Variants in SNCAIP observed in about 807,000 individuals in gnomAD.
SNCAIP encodes the protein synphilin-1.
SNCAIP carries 43 observed loss-of-function variants against 86.7 expected under a neutral mutation model. That is an observed-to-expected ratio of 0.50 (90% CI 0.39 to 0.64). SNCAIP has a LOEUF of 0.64. Ranked by LOEUF, SNCAIP falls within the 30% of genes least tolerant of loss-of-function variation. The pLI is 0.00. For missense variants in SNCAIP, 981 were observed against 1,103.1 expected (o/e 0.89, Z 1.57); for synonymous variants, 417 against 427.2 (o/e 0.98, Z 0.29).
intron 10 of SNCAIP, among the ~76,000 whole-genome samples, chr5:122,458,428 T>A: frequency 6.6e-6 from 1 of 152,118 alleles, no homozygotes; most frequent in Non-Finnish European, 1.5e-5. Flanking sequence ...GTTCTATTAA[T>A]GTCATATTTG....
chr5:122,440,516 G>A (rs1165267740), intron 6 of SNCAIP, 113 bp from the exon 7 acceptor site: 28 of 984,454 alleles, frequency 2.8e-5, no homozygotes, highest in African/African-American at 4.8e-5. Context: ...CTCTTGCTAC[G>A]GTAAGCATGG....
At chr5:122,385,989 T>C (rs546001046) in intron 1 of SNCAIP, among the ~76,000 whole-genome samples, 2 of 152,158 alleles carry the variant, frequency 1.3e-5, no homozygotes, top group Non-Finnish European at 2.9e-5. Context: ...AATACATTTT[T>C]AAAAATTTTT....
intron 1 of SNCAIP, among the ~76,000 whole-genome samples, chr5:122,314,691 A>G (rs1751336203): frequency 6.6e-6 from 1 of 152,226 alleles, no homozygotes; most frequent in Non-Finnish European, 1.5e-5. Flanking sequence ...ATGATTTTTC[A>G]CTTTATAGAT....
intron 2 of SNCAIP, among the ~76,000 whole-genome samples, chr5:122,397,367 C>T (rs1452017995): frequency 6.6e-6 from 1 of 152,104 alleles, no homozygotes; most frequent in African/African-American, 2.4e-5. Flanking sequence ...CTAAGTGGAT[C>T]TTCATCTCTT....
chr5:122,428,928 T>A (rs548532879), intron 5 of SNCAIP, among the ~76,000 whole-genome samples: 2 of 152,090 alleles, frequency 1.3e-5, no homozygotes, highest in African/African-American at 2.4e-5. Flanking sequence ...GAACTCATCC[T>A]TTTTTATGGA....
chr5:122,344,526 A>G (rs1758216843), intron 1 of SNCAIP, among the ~76,000 whole-genome samples: 1 of 152,190 alleles, frequency 6.6e-6, no homozygotes, highest in African/African-American at 2.4e-5. Context: ...TTTGAGCTAC[A>G]AGGAAATGAG....
intron 1 of SNCAIP, among the ~76,000 whole-genome samples, chr5:122,316,667 A>G (rs1007550395): frequency 6.6e-6 from 1 of 152,238 alleles, no homozygotes; most frequent in Non-Finnish European, 1.5e-5. Context: ...GGTCTGGCAC[A>G]ATGCCTCATC....
intron 1 of SNCAIP, among the ~76,000 whole-genome samples, chr5:122,356,479 C>A (rs1175181829): frequency 6.6e-6 from 1 of 152,040 alleles, no homozygotes; most frequent in East Asian, 1.9e-4. Context: ...TTTGATGAGA[C>A]TGAACTAATT....
chr5:122,449,149 GC>G (rs1783165709), intron 8 of SNCAIP, among the ~76,000 whole-genome samples: 1 of 152,132 alleles, frequency 6.6e-6, no homozygotes, highest in South Asian at 2.1e-4. Flanking sequence ...TCGTATCCTA[GC>G]CTAGCCTACC....
At chr5:122,411,259 A>G (rs543137110) in intron 3 of SNCAIP, among the ~76,000 whole-genome samples, 68 of 152,286 alleles carry the variant, frequency 4.5e-4, no homozygotes, top group Non-Finnish European at 1.0e-4. Flanking sequence ...ACAAATGGAT[A>G]CACGGCCAAG....
intron 3 of SNCAIP, among the ~76,000 whole-genome samples, chr5:122,405,814 A>G (rs2152880878): frequency 6.6e-6 from 1 of 152,332 alleles, no homozygotes. Flanking sequence ...GGGCTGGTAC[A>G]TTCCATTCTC....
chr5:122,394,620 G>A (rs1451952012), intron 2 of SNCAIP, among the ~76,000 whole-genome samples: 1 of 152,144 alleles, frequency 6.6e-6, no homozygotes, highest in Non-Finnish European at 1.5e-5. Flanking sequence ...CTCTTCCTAT[G>A]GAAGCCAGAT....
chr5:122,320,710 C>A (rs965647538), intron 1 of SNCAIP, among the ~76,000 whole-genome samples: 1 of 152,124 alleles, frequency 6.6e-6, no homozygotes, highest in Non-Finnish European at 1.5e-5. Context: ...ATCTCAGTCC[C>A]CGCTTTGCAG....
chr5:122,333,646 A>G (rs1462680419), intron 1 of SNCAIP, among the ~76,000 whole-genome samples: 1 of 152,252 alleles, frequency 6.6e-6, no homozygotes, highest in African/African-American at 2.4e-5. Flanking sequence ...ATTTGAAACT[A>G]CATCTTATAT....
At chr5:122,380,271 G>C (rs1211681068) in intron 1 of SNCAIP, among the ~76,000 whole-genome samples, 2 of 152,212 alleles carry the variant, frequency 1.3e-5, no homozygotes, top group Non-Finnish European at 2.9e-5. Flanking sequence ...ATTCTTGGGA[G>C]AGTGTATGTG....
At chr5:122,313,025 CCA>C (rs1750939556) in intron 1 of SNCAIP, 1 of 152,244 alleles carries the variant, frequency 6.6e-6, no homozygotes, top group African/African-American at 2.4e-5. Context: ...TTACTGGCAG[CCA>C]TACAGTTTCC....
chr5:122,354,028 T>C (rs1162854400), intron 1 of SNCAIP, among the ~76,000 whole-genome samples: 3 of 152,186 alleles, frequency 2.0e-5, no homozygotes, highest in African/African-American at 4.8e-5. Flanking sequence ...TACATGTATA[T>C]TGAGCATGTG....
chr5:122,404,895 T>G (rs926835098), intron 3 of SNCAIP, among the ~76,000 whole-genome samples: 1 of 152,334 alleles, frequency 6.6e-6, no homozygotes, highest in Admixed American at 6.5e-5. Context: ...TGGTGTTTTT[T>G]TGTGTGTGTG....
chr5:122,321,082 T>C (rs1752828540), intron 1 of SNCAIP, among the ~76,000 whole-genome samples: 1 of 152,178 alleles, frequency 6.6e-6, no homozygotes, highest in African/African-American at 2.4e-5. Flanking sequence ...CACTGGCAGA[T>C]AGAAATGTAA....
Sources: allele counts gnomAD v4.1 joint callset (sites outside exome capture counted in the v4.1 genomes callset), GRCh38; gene constraint gnomAD v4.1.1; transcripts MANE v1.5; gene names NCBI Gene and HGNC (gene_info 2026-07-23, HGNC 2026-07-21).